Variants in ACSS1 observed in about 807,000 individuals in gnomAD.
The protein encoded by ACSS1 is acetyl-coenzyme A synthetase 2-like, mitochondrial.
ACSS1 carries 42 observed loss-of-function variants against 75.3 expected under a neutral mutation model. That is an observed-to-expected ratio of 0.56 (90% CI 0.44 to 0.72). The LOEUF (loss-of-function observed/expected upper bound fraction) is 0.72. Ranked by LOEUF, ACSS1 falls within the 30% of genes least tolerant of loss-of-function variation. ACSS1 has a pLI of 0.00. For synonymous variants in ACSS1, 380 were observed against 376.8 expected, an observed-to-expected ratio of 1.01 and a Z score of -0.10; for missense variants, 782 against 935.7, an observed-to-expected ratio of 0.84 and a Z score of 2.14.
chr20:25,027,779 CAAAAAA>C (rs78414153), intron 3 of ACSS1, among the ~76,000 whole-genome samples: 1 of 75,358 alleles, frequency 1.3e-5, no homozygotes, highest in Non-Finnish European at 2.7e-5. Flanking sequence ...AGTGATCAGG[CAAAAAA>C]AAAAAAAAAA....
intron 13 of ACSS1, 139 bp from the exon 14 acceptor site, chr20:25,008,080 C>A: frequency 8.7e-7 from 1 of 1,154,246 alleles, no homozygotes; most frequent in Non-Finnish European, 1.2e-6. Context: ...AAGCCTCCAC[C>A]CCAGAGAACG....
chr20:25,036,879 C>A (rs2088915607), intron 2 of ACSS1, among the ~76,000 whole-genome samples: 1 of 150,912 alleles, frequency 6.6e-6, no homozygotes, highest in Non-Finnish European at 1.5e-5. Context: ...CGCTTGAACC[C>A]AGGAGGTGGA....
rs111899836 is a variant in ACSS1 at position 25,013,439 on chromosome 20, T to C, written c.1579+97A>G. ...CGAGCACCTATTCCTGGCCACAGTG[T>C]TACGCTGCACTCAAATCCCATTAAA... On this transcript the variant is annotated intron_variant, in intron 10 of 13. Transcript: ENST00000323482. 3.6e-5 allele frequency: 53 copies of C among 1,471,332 alleles called. 1 individual carries two copies. In the African/African-American group the frequency reaches 6.0e-4, roughly 17 times the overall value. 91.1% of individuals were successfully genotyped at this position (1,471,332 alleles called of 1,614,324 possible).
In ACSS1 at chr20:25,006,601, C is replaced by A; in HGVS notation, c.*1161G>T. On this transcript the variant is annotated 3_prime_UTR_variant, in exon 14 of 14. Coordinates refer to ENST00000323482, the MANE Select transcript of ACSS1 (RefSeq NM_032501.4). The stretch of plus-strand genomic sequence containing the variant: ...TGTGGGGCAAAGAGGACAAACTCTC[C>A]CTCCCCTAAGGGACCCGGCTCACTG... 1 of 482,472 alleles carries A rather than the reference C, an allele frequency of 2.1e-6. No homozygotes were observed. The highest frequency in any genetic ancestry group is 3.7e-6 in the Non-Finnish European group (1 of 268,404). The allele number at this position is 482,472 out of a possible 1,614,324, so 29.9% of individuals were successfully genotyped here.
intron 1 of ACSS1, among the ~76,000 whole-genome samples, chr20:25,053,724 A>T (rs2089207167): frequency 6.6e-6 from 1 of 152,158 alleles, no homozygotes; most frequent in African/African-American, 2.4e-5. Flanking sequence ...ACTACAGCAA[A>T]AGGGCCTCTG....
At chr20:25,027,522 A>G in intron 3 of ACSS1, among the ~76,000 whole-genome samples, 1 of 152,190 alleles carries the variant, frequency 6.6e-6, no homozygotes, top group Admixed American at 6.5e-5. Context: ...ACACTACTAC[A>G]ATGAAGGAAA....
chr20:25,013,181 CTTG>C (rs982587347), intron 10 of ACSS1, among the ~76,000 whole-genome samples: 11 of 152,254 alleles, frequency 7.2e-5, no homozygotes, highest in Non-Finnish European at 1.2e-4. Context: ...AACACTGAGT[CTTG>C]TTTACGACAA....
At chr20:25,017,459 C>T (rs566381765) in intron 7 of ACSS1, among the ~76,000 whole-genome samples, 1 of 152,298 alleles carries the variant, frequency 6.6e-6, no homozygotes, top group South Asian at 2.1e-4. Flanking sequence ...TGCTGGGAGC[C>T]CCAGGTGCAA....
At chr20:25,041,508 G>C (rs1328552999) in intron 2 of ACSS1, among the ~76,000 whole-genome samples, 1 of 152,176 alleles carries the variant, frequency 6.6e-6, no homozygotes, top group East Asian at 1.9e-4. Flanking sequence ...GCCACCGCAC[G>C]TGGCCTTGCA....
At chr20:25,027,184 C>G (rs2088734034) in intron 3 of ACSS1, among the ~76,000 whole-genome samples, 1 of 152,170 alleles carries the variant, frequency 6.6e-6, no homozygotes, top group Non-Finnish European at 1.5e-5. Context: ...AAGACCAGAA[C>G]CAGATGACTT....
Position 25,057,750 on chromosome 20 carries a change from T to G in ACSS1, c.334+19A>C. ...ACCCAAGAGTTGGGGGCGTCCTGGG[T>G]CTCCCGAAGCCCACTCACCAGAGAC... On this transcript the variant is annotated intron_variant, in intron 1 of 13. Transcript: ENST00000323482. 1 of 1,534,086 alleles carries G rather than the reference T, an allele frequency of 6.5e-7. No individual in the cohort carries two copies. Among genetic ancestry groups the G allele is most frequent in the South Asian group, 1.2e-5 (1 of 83,552 alleles).
intron 2 of ACSS1, among the ~76,000 whole-genome samples, chr20:25,037,799 T>A (rs1398146597): frequency 3.3e-5 from 5 of 152,184 alleles, no homozygotes; most frequent in African/African-American, 9.6e-5. Flanking sequence ...TCGCATCTCA[T>A]GGACCCAGGC....
At chr20:25,027,227 T>G (rs1443583865) in intron 3 of ACSS1, among the ~76,000 whole-genome samples, 1 of 152,174 alleles carries the variant, frequency 6.6e-6, no homozygotes, top group Non-Finnish European at 1.5e-5. Flanking sequence ...TTTAAAGAAT[T>G]AGCACCAATC....
At chr20:25,051,199 A>T (rs1600351819) in intron 1 of ACSS1, among the ~76,000 whole-genome samples, 1 of 152,298 alleles carries the variant, frequency 6.6e-6, no homozygotes, top group East Asian at 1.9e-4. Flanking sequence ...TCACTGTCCC[A>T]GACCCTGCGC....
chr20:25,023,230 T>C, intron 4 of ACSS1, 138 bp from the exon 5 acceptor site: 1 of 1,242,874 alleles, frequency 8.0e-7, no homozygotes, highest in Non-Finnish European at 1.1e-6. Context: ...ATTCCAAATG[T>C]GGAAAGGACA....
chr20:25,020,897 C>T (rs1043769848), intron 6 of ACSS1, among the ~76,000 whole-genome samples: 9 of 152,244 alleles, frequency 5.9e-5, no homozygotes, highest in Admixed American at 3.9e-4. Flanking sequence ...TGTGGGAGGA[C>T]GATGCCCAAG....
chr20:25,023,213 A>C, intron 4 of ACSS1, 121 bp from the exon 5 acceptor site: 1 of 1,315,028 alleles, frequency 7.6e-7, no homozygotes, highest in East Asian at 2.5e-5. Context: ...TGACCTGTCC[A>C]AGTTCAATTC....
intron 5 of ACSS1, 95 bp from the exon 6 acceptor site, chr20:25,021,631 C>T: frequency 1.3e-6 from 2 of 1,492,102 alleles, no homozygotes; most frequent in Admixed American, 4.1e-5. Context: ...AGGCTGCAGT[C>T]CATAGCTGTG....
chr20:25,006,884 G>A lies in ACSS1; in HGVS notation c.*878C>T, dbSNP rs2088318540. On this transcript the variant is annotated 3_prime_UTR_variant, in exon 14 of 14. Coordinates refer to ENST00000323482, the MANE Select transcript of ACSS1 (RefSeq NM_032501.4). ...GTTAGTGCTCTAACAAGTCACCTGA[G>A]TTTCTAATAGCTTCCCTGAAGAACC... 3.3e-6 allele frequency: 5 copies of A among 1,535,388 alleles called. No individual in the cohort carries two copies. Among genetic ancestry groups the A allele is most frequent in the Non-Finnish European group, 4.4e-6 (5 of 1,146,750 alleles).
Sources: allele counts gnomAD v4.1 joint callset (sites outside exome capture counted in the v4.1 genomes callset), GRCh38; gene constraint gnomAD v4.1.1; transcripts MANE v1.5; gene names NCBI Gene and HGNC (gene_info 2026-07-23, HGNC 2026-07-21).